MEIKIN: variants seen among roughly 807,000 people sequenced by gnomAD.
MEIKIN encodes the protein meiotic kinetochore factor.
At position 131,842,960 on chromosome 5, in the gene MEIKIN, C is replaced by T. The variant is rs148950955; in HGVS notation, c.975+8304G>A. On this transcript the variant is annotated intron_variant, in intron 11 of 12. Transcript: ENST00000442687. ...TGGATGTCCAGGTGTTTCCATACAG[C>T]CTCTGAAATCTAGGCAGAGGTTCCC... is the stretch of plus-strand genomic sequence containing the variant. 3.6e-3 allele frequency among the ~76,000 whole-genome samples: 554 copies of T among 152,348 alleles called. 4 individuals are homozygous for T. The highest frequency in any genetic ancestry group is 0.013 in the African/African-American group (526 of 41,570).
At chr5:131,850,775 C>T (rs1356109112) in intron 11 of MEIKIN, among the ~76,000 whole-genome samples, 1 of 151,772 alleles carries the variant, frequency 6.6e-6, no homozygotes, top group Non-Finnish European at 1.5e-5. Context: ...CCAGTCTCTA[C>T]AAAAAATACA....
intron 11 of MEIKIN, among the ~76,000 whole-genome samples, chr5:131,838,165 C>T (rs763539829): frequency 2.2e-4 from 34 of 151,984 alleles, no homozygotes; most frequent in Non-Finnish European, 3.8e-4. Context: ...CATTGATTTG[C>T]GTATACTGAC....
intron 8 of MEIKIN, among the ~76,000 whole-genome samples, chr5:131,884,269 G>A (rs1299009632): frequency 6.6e-6 from 1 of 152,072 alleles, no homozygotes; most frequent in Non-Finnish European, 1.5e-5. Flanking sequence ...ACAGCTCATG[G>A]CTCCAAAAGA....
At chr5:131,885,359 G>C (rs1229854127) in intron 8 of MEIKIN, among the ~76,000 whole-genome samples, 2 of 17,320 alleles carry the variant, frequency 1.2e-4, no homozygotes, top group Non-Finnish European at 3.0e-4. Context: ...GAGAGAGAGA[G>C]AGAGAGAGAG....
intron 9 of MEIKIN, among the ~76,000 whole-genome samples, chr5:131,855,063 A>G (rs1750171411): frequency 6.6e-6 from 1 of 152,202 alleles, no homozygotes; most frequent in Non-Finnish European, 1.5e-5. Context: ...TAGCAACTAT[A>G]TGAGAATACC....
chr5:131,865,411 G>C (rs920363706), intron 9 of MEIKIN, among the ~76,000 whole-genome samples: 2 of 152,126 alleles, frequency 1.3e-5, no homozygotes, highest in Admixed American at 6.5e-5. Flanking sequence ...AGTAGAGACA[G>C]GGTTTCACCA....
chr5:131,862,882 G>A (rs541005348), intron 9 of MEIKIN, among the ~76,000 whole-genome samples: 5 of 152,134 alleles, frequency 3.3e-5, no homozygotes, highest in South Asian at 4.2e-4. Context: ...ATTTTTAGGA[G>A]ACAACGGGGT....
intron 12 of MEIKIN, among the ~76,000 whole-genome samples, chr5:131,813,655 C>G (rs1415660396): frequency 6.6e-6 from 1 of 151,946 alleles, no homozygotes; most frequent in Non-Finnish European, 1.5e-5. Context: ...TCTCGATCTC[C>G]TGATCTCATG....
At chr5:131,923,769 C>T (rs1751545095) in intron 5 of MEIKIN, among the ~76,000 whole-genome samples, 1 of 151,520 alleles carries the variant, frequency 6.6e-6, no homozygotes, top group Admixed American at 6.6e-5. Context: ...TACTTAATTT[C>T]CTTGTTTCAA....
At chr5:131,884,208 C>A (rs1317767523) in intron 8 of MEIKIN, among the ~76,000 whole-genome samples, 2 of 152,096 alleles carry the variant, frequency 1.3e-5, no homozygotes, top group African/African-American at 4.8e-5. Context: ...GGACACCAGC[C>A]AAGGCAGCTA....
intron 8 of MEIKIN, among the ~76,000 whole-genome samples, chr5:131,896,100 A>C (rs1235863542): frequency 6.6e-6 from 1 of 152,070 alleles, no homozygotes; most frequent in Non-Finnish European, 1.5e-5. Context: ...TGTTCTCATT[A>C]GTTTCAAAGA....
chr5:131,872,383 G>A (rs1185510067), intron 9 of MEIKIN, among the ~76,000 whole-genome samples: 1 of 152,214 alleles, frequency 6.6e-6, no homozygotes, highest in Non-Finnish European at 1.5e-5. Context: ...CAATCAACTG[G>A]AAGAAAGGGT....
At chr5:131,853,396 C>G (rs1004273115) in intron 10 of MEIKIN, among the ~76,000 whole-genome samples, 2 of 152,120 alleles carry the variant, frequency 1.3e-5, no homozygotes, top group South Asian at 2.1e-4. Flanking sequence ...GAGGATTGCT[C>G]ACACTGAAGA....
At chr5:131,933,434 C>T (rs924977624) in intron 5 of MEIKIN, 79 bp downstream of exon 5, 35 of 389,718 alleles carry the variant, frequency 9.0e-5, no homozygotes, top group Middle Eastern at 1.3e-3. Context: ...TCGAAAGGGA[C>T]GTTTATTCAT....
chr5:131,852,387 G>C (rs113049166), intron 10 of MEIKIN, among the ~76,000 whole-genome samples: 3,547 of 152,238 alleles, frequency 0.023, 115 homozygotes, highest in African/African-American at 0.075. Flanking sequence ...CAGCCATGCG[G>C]AACTGTGAGC....
At chr5:131,863,161 A>G (rs1750316655) in intron 9 of MEIKIN, among the ~76,000 whole-genome samples, 3 of 152,092 alleles carry the variant, frequency 2.0e-5, no homozygotes, top group Admixed American at 2.0e-4. Context: ...ACTCGATATG[A>G]TCTCAGTTTT....
intron 12 of MEIKIN, among the ~76,000 whole-genome samples, chr5:131,815,466 C>A (rs1235073431): frequency 6.6e-6 from 1 of 152,230 alleles, no homozygotes; most frequent in Non-Finnish European, 1.5e-5. Context: ...AAAATTTATT[C>A]TTCCTGTTCT....
chr5:131,829,517 T>A (rs1406448037), intron 11 of MEIKIN, among the ~76,000 whole-genome samples: 1 of 152,080 alleles, frequency 6.6e-6, no homozygotes, highest in East Asian at 1.9e-4. Context: ...CTTAGTAAAT[T>A]GAAATTTGTG....
intron 12 of MEIKIN, among the ~76,000 whole-genome samples, chr5:131,808,836 G>A (rs901996035): frequency 6.6e-6 from 1 of 152,160 alleles, no homozygotes; most frequent in Non-Finnish European, 1.5e-5. Context: ...AGCACTCTGG[G>A]AGGCCAAGGT....
Sources: gnomAD v4.1 joint callset for allele counts (sites outside exome capture counted in the v4.1 genomes callset) on GRCh38, gnomAD v4.1.1 for gene constraint, MANE v1.5 for transcripts, NCBI Gene and HGNC (gene_info 2026-07-23, HGNC 2026-07-21) for gene names.